ZFHX3: variants seen among roughly 807,000 people sequenced by gnomAD.
ZFHX3 encodes zinc finger homeobox protein 3.
A neutral mutation model predicts 279.1 loss-of-function variants in ZFHX3; 42 were observed. The observed-to-expected ratio is 0.15, with a 90% CI of 0.12 to 0.19. The LOEUF (loss-of-function observed/expected upper bound fraction) is 0.19, where lower values mean the gene tolerates loss of function less well. ZFHX3 is among the 10% of genes least tolerant of loss of function. The pLI is 1.00. For synonymous variants in ZFHX3, 2,293 were observed against 1,957.8 expected, an observed-to-expected ratio of 1.17 and a Z score of -4.52; for missense variants, 4,981 against 4,754.0, an observed-to-expected ratio of 1.05 and a Z score of -1.40.
intron 1 of ZFHX3, among the ~76,000 whole-genome samples, chr16:72,975,642 G>A (rs920633710): frequency 1.3e-4 from 20 of 152,120 alleles, no homozygotes; most frequent in African/African-American, 4.3e-4. Flanking sequence ...TTCAAAGAGC[G>A]GCCCTGATAG....
chr16:72,888,532 C>T (rs1307553485), intron 4 of ZFHX3, among the ~76,000 whole-genome samples: 1 of 152,198 alleles, frequency 6.6e-6, no homozygotes, highest in East Asian at 1.9e-4. Flanking sequence ...GAGGACCAGG[C>T]CACAGTGCCC....
At chr16:72,902,916 C>T (rs1483599188) in intron 3 of ZFHX3, among the ~76,000 whole-genome samples, 1 of 152,190 alleles carries the variant, frequency 6.6e-6, no homozygotes, top group Non-Finnish European at 1.5e-5. Flanking sequence ...AAAACCGCCA[C>T]TCTGAGGCTG....
chr16:72,797,741 C>T lies in ZFHX3; in HGVS notation c.4941G>A (p.Leu1647=), dbSNP rs1226104975. 1.2e-6 allele frequency: 2 copies of T among 1,614,064 alleles called. No homozygotes were observed. Among genetic ancestry groups the T allele is most frequent in the South Asian group, 2.2e-5 (2 of 91,072 alleles). Residue 1647 remains leucine, a synonymous_variant, in exon 9 of 10, where the codon TTG becomes TTA. Transcript: ENST00000268489. ...TCACAGGACTTGGCGTGGAGGAGCT[C>T]AAGGAAATACTGCTGCTGTTCCCAG... ...NGTGNSSSIS[L]SSSTPSPVST...
At chr16:73,176,593 CCTTCTT>C (rs964745451) in intron 5 of ZFHX3, among the ~76,000 whole-genome samples, 1 of 150,266 alleles carries the variant, frequency 6.7e-6, no homozygotes, top group South Asian at 2.1e-4. Flanking sequence ...TGATTGATAG[CCTTCTT>C]CTTCTTCTCC....
chr16:73,547,586 A>G (rs1192248184), intron 2 of ZFHX3, among the ~76,000 whole-genome samples: 1 of 152,186 alleles, frequency 6.6e-6, no homozygotes, highest in Non-Finnish European at 1.5e-5. Context: ...GGGGAGAGAC[A>G]GCTTTCACTG....
In ZFHX3 at chr16:72,960,110, C is replaced by G; in HGVS notation, c.36G>C (p.Lys12Asn). The change falls in exon 2 of 10, where the codon AAG becomes AAC. Residue 12 changes from lysine to asparagine, a missense_variant. Transcript: ENST00000268489. ...GCTGAGGGATACCGCACCCATTGTC[C>G]TTCCCCGAGACGACGGGCGAGTCAC... The part of the protein sequence containing the change: ...EGCDSPVVSG[K>N]DNGCGIPQHQ... The G allele has an allele frequency of 1.9e-6, 3 of 1,599,576 alleles. No homozygotes were observed. Among genetic ancestry groups the G allele is most frequent in the Non-Finnish European group, 2.6e-6 (3 of 1,172,940 alleles).
chr16:72,834,979 T>C (rs1031239586), intron 4 of ZFHX3, among the ~76,000 whole-genome samples: 2 of 152,034 alleles, frequency 1.3e-5, no homozygotes, highest in Non-Finnish European at 2.9e-5. Flanking sequence ...ATTCAAACCT[T>C]CCCCAAACCT....
At chr16:73,293,029 C>T (rs1028810280) in intron 4 of ZFHX3, among the ~76,000 whole-genome samples, 1 of 152,110 alleles carries the variant, frequency 6.6e-6, no homozygotes, top group Non-Finnish European at 1.5e-5. Flanking sequence ...GTCCTAACTG[C>T]CTTGAAACAA....
intron 1 of ZFHX3, among the ~76,000 whole-genome samples, chr16:73,877,568 A>G (rs2029992966): frequency 6.6e-6 from 1 of 152,192 alleles, no homozygotes; most frequent in Non-Finnish European, 1.5e-5. Context: ...TTTTGAGCTA[A>G]CAGCCAAAGA....
At chr16:73,390,550 T>G (rs1450947177) in intron 3 of ZFHX3, among the ~76,000 whole-genome samples, 2 of 152,132 alleles carry the variant, frequency 1.3e-5, no homozygotes, top group African/African-American at 4.8e-5. Flanking sequence ...AATTAACCAC[T>G]CAACAAATCA....
chr16:73,572,934 C>T (rs866757727), intron 2 of ZFHX3, among the ~76,000 whole-genome samples: 1 of 152,168 alleles, frequency 6.6e-6, no homozygotes, highest in Non-Finnish European at 1.5e-5. Context: ...AACCTATATT[C>T]ATCTTTGTAT....
At chr16:73,412,326 C>T (rs1266487808) in intron 3 of ZFHX3, among the ~76,000 whole-genome samples, 7 of 117,432 alleles carry the variant, frequency 6.0e-5, no homozygotes, top group South Asian at 5.8e-4. Context: ...GAGACTGTTT[C>T]AAAAAAAAAA....
chr16:73,541,289 A>T (rs1368302120), intron 2 of ZFHX3, among the ~76,000 whole-genome samples: 1 of 152,128 alleles, frequency 6.6e-6, no homozygotes, highest in African/African-American at 2.4e-5. Context: ...ATTTGAGACC[A>T]GCCTGAGCAA....
At chr16:72,963,081 AC>A (rs1309950310) in intron 1 of ZFHX3, among the ~76,000 whole-genome samples, 1 of 152,068 alleles carries the variant, frequency 6.6e-6, no homozygotes, top group African/African-American at 2.4e-5. Flanking sequence ...CTGTCTGTAA[AC>A]ACGGTTTCCC....
At chr16:73,591,464 C>T (rs1464135947) in intron 2 of ZFHX3, among the ~76,000 whole-genome samples, 12 of 151,238 alleles carry the variant, frequency 7.9e-5, no homozygotes, top group Admixed American at 7.9e-4. Context: ...GAGGCCAAGA[C>T]GGGTAGATCA....
chr16:73,062,495 A>G (rs910183100), upstream of ZFHX3, among the ~76,000 whole-genome samples: 4 of 152,338 alleles, frequency 2.6e-5, no homozygotes, highest in African/African-American at 4.8e-5. Context: ...GGTTGATTTA[A>G]TGATGAAGAT....
chr16:73,411,786 C>A (rs1344043401), intron 3 of ZFHX3, among the ~76,000 whole-genome samples: 1 of 152,174 alleles, frequency 6.6e-6, no homozygotes, highest in East Asian at 1.9e-4. Context: ...ATGTACCCTG[C>A]AGGTTACTGC....
At chr16:73,838,497 T>A (rs1961204140) in intron 1 of ZFHX3, among the ~76,000 whole-genome samples, 1 of 152,202 alleles carries the variant, frequency 6.6e-6, no homozygotes, top group African/African-American at 2.4e-5. Context: ...GTCCAGCACT[T>A]GGAGAACTTC....
chr16:73,657,381 C>G (rs1435018102), intron 2 of ZFHX3, among the ~76,000 whole-genome samples: 3 of 152,228 alleles, frequency 2.0e-5, no homozygotes, highest in Non-Finnish European at 1.5e-5. Context: ...TCACCTAAAT[C>G]CGGGAGGCAG....
Sources: gnomAD v4.1 joint callset for allele counts (sites outside exome capture counted in the v4.1 genomes callset) on GRCh38, gnomAD v4.1.1 for gene constraint, MANE v1.5 for transcripts, NCBI Gene and HGNC (gene_info 2026-07-23, HGNC 2026-07-21) for gene names.